Variants in CACNB2 observed in about 807,000 individuals in gnomAD.
The protein encoded by CACNB2 is voltage-dependent L-type calcium channel subunit beta-2.
Under a neutral mutation model 73.3 loss-of-function variants are expected in CACNB2, and 42 were observed. The ratio of observed to expected loss-of-function variants is 0.57; its 90% CI spans 0.45 to 0.74. The LOEUF (loss-of-function observed/expected upper bound fraction) is 0.74. Ranked by LOEUF, CACNB2 falls within the 30% of genes least tolerant of loss-of-function variation. CACNB2 has a pLI of 0.00. For synonymous variants in CACNB2, 348 were observed against 310.3 expected, an observed-to-expected ratio of 1.12 and a Z score of -1.28; for missense variants, 940 against 853.0, an observed-to-expected ratio of 1.10 and a Z score of -1.27.
intron 2 of CACNB2, among the ~76,000 whole-genome samples, chr10:18,192,804 A>C (rs2034461581): frequency 6.6e-6 from 1 of 152,202 alleles, no homozygotes; most frequent in Non-Finnish European, 1.5e-5. Flanking sequence ...CCCACATTGC[A>C]GCCATACTTC....
intron 2 of CACNB2, among the ~76,000 whole-genome samples, chr10:18,158,404 A>G (rs2032212852): frequency 6.6e-6 from 1 of 152,208 alleles, no homozygotes; most frequent in Admixed American, 6.5e-5. Flanking sequence ...CAAATTGTTT[A>G]TGTGCTATAA....
intron 2 of CACNB2, among the ~76,000 whole-genome samples, chr10:18,320,385 A>C (rs2040356823): frequency 6.6e-6 from 1 of 152,214 alleles, no homozygotes; most frequent in African/African-American, 2.4e-5. Context: ...AGTACGAAAC[A>C]AATTTTTTTT....
chr10:18,288,122 T>G (rs2038884120), intron 2 of CACNB2, among the ~76,000 whole-genome samples: 1 of 152,218 alleles, frequency 6.6e-6, no homozygotes, highest in African/African-American at 2.4e-5. Flanking sequence ...CCTAGTGACC[T>G]CATTTGAACC....
chr10:18,486,117 C>G (rs747392924), intron 3 of CACNB2, among the ~76,000 whole-genome samples: 1 of 152,048 alleles, frequency 6.6e-6, no homozygotes, highest in Non-Finnish European at 1.5e-5. Context: ...ATGAAGAAAT[C>G]AATGCATAAA....
At position 18,140,820 on chromosome 10, in the gene CACNB2, C is replaced by G; in HGVS notation, c.84C>G (p.Asn28Lys). Residue 28 changes from asparagine to lysine, a missense_variant, in exon 1 of 14, where the codon AAC (asparagine) becomes AAG (lysine). Physicochemically the swap from Asn to Lys is moderately conservative, Grantham distance 94. Coordinates refer to ENST00000324631, the MANE Select transcript of CACNB2 (RefSeq NM_201596.3). ...AGATCCAGATGGAACTGCTAGAGAA[C>G]GTGGCTCCCGCGGGGGCGCTCGGAG... ...AQEIQMELLE[N>K]VAPAGALGAA... The G allele has an allele frequency of 6.2e-7, 1 of 1,604,328 alleles. No individual in the cohort carries two copies. The highest frequency in any genetic ancestry group is 8.5e-7 in the Non-Finnish European group (1 of 1,176,946).
chr10:18,500,248 C>G (rs1331481544), intron 4 of CACNB2, among the ~76,000 whole-genome samples: 2 of 152,110 alleles, frequency 1.3e-5, no homozygotes, highest in African/African-American at 2.4e-5. Context: ...AAAAAGAAGG[C>G]AAATCACAAA....
intron 2 of CACNB2, among the ~76,000 whole-genome samples, chr10:18,304,302 A>G (rs938099195): frequency 1.3e-5 from 2 of 152,170 alleles, no homozygotes; most frequent in African/African-American, 4.8e-5. Context: ...GTGGCAGTGG[A>G]CAAGTTTATT....
In CACNB2 at chr10:18,539,867, T is replaced by TAGCAATAGCATGGATAGAGTA; in HGVS notation, c.*144_*164dup. ...TTTTGTATTATTGCTGTTGCTTGAA[T>TAGCAATAGCATGGATAGAGTA]AGCAATAGCATGGATAGAGTATTGA... On this transcript the variant is annotated 3_prime_UTR_variant, in exon 14 of 14. Transcript: ENST00000324631. 1.2e-6 allele frequency: 1 copy of TAGCAATAGCATGGATAGAGTA among 861,792 alleles called. No individual in the cohort carries two copies. Among genetic ancestry groups the TAGCAATAGCATGGATAGAGTA allele is most frequent in the Non-Finnish European group, 1.8e-6 (1 of 565,694 alleles). 53.4% of individuals were successfully genotyped at this position (861,792 alleles called of 1,614,324 possible).
At chr10:18,393,186 A>AAGACAGAG (rs756981063) in intron 2 of CACNB2, among the ~76,000 whole-genome samples, 1 of 44,258 alleles carries the variant, frequency 2.3e-5, no homozygotes, top group Non-Finnish European at 5.8e-5. Context: ...TCCAGCCTGG[A>AAGACAGAG]TGACTCCATG....
At chr10:18,232,506 T>C (rs898188132) in intron 2 of CACNB2, among the ~76,000 whole-genome samples, 2 of 152,162 alleles carry the variant, frequency 1.3e-5, no homozygotes, top group South Asian at 4.1e-4. Flanking sequence ...GTTTGCAGTG[T>C]TTAATACAGT....
intron 2 of CACNB2, among the ~76,000 whole-genome samples, chr10:18,181,178 G>C (rs2033858967): frequency 6.6e-6 from 1 of 151,568 alleles, no homozygotes; most frequent in South Asian, 2.1e-4. Flanking sequence ...TTGCCCTCTA[G>C]AACTGTGCAT....
chr10:18,349,377 T>C (rs1210723700), intron 2 of CACNB2, among the ~76,000 whole-genome samples: 1 of 152,228 alleles, frequency 6.6e-6, no homozygotes, highest in Non-Finnish European at 1.5e-5. Context: ...CCTAAGTTAA[T>C]AGACCACAGC....
chr10:18,442,394 C>G (rs1403151862), intron 3 of CACNB2, among the ~76,000 whole-genome samples: 1 of 152,032 alleles, frequency 6.6e-6, no homozygotes, highest in Non-Finnish European at 1.5e-5. Flanking sequence ...AGGTGATCCA[C>G]CCACCTCGGC....
At chr10:18,466,019 G>C (rs2047863016) in intron 3 of CACNB2, among the ~76,000 whole-genome samples, 1 of 151,992 alleles carries the variant, frequency 6.6e-6, no homozygotes. Flanking sequence ...GAACATTTTG[G>C]CACTTAATAA....
At chr10:18,174,605 T>G (rs1564316983) in intron 2 of CACNB2, among the ~76,000 whole-genome samples, 1 of 152,010 alleles carries the variant, frequency 6.6e-6, no homozygotes, top group Non-Finnish European at 1.5e-5. Flanking sequence ...GGTTTCACCA[T>G]GTTGGCCCTG....
intron 9 of CACNB2, among the ~76,000 whole-genome samples, chr10:18,520,550 T>G (rs202088034): frequency 6.6e-6 from 1 of 152,204 alleles, no homozygotes; most frequent in Non-Finnish European, 1.5e-5. Flanking sequence ...TGTGAGCTAG[T>G]GCCCACCACT....
intron 2 of CACNB2, among the ~76,000 whole-genome samples, chr10:18,291,517 A>G (rs989176053): frequency 1.3e-5 from 2 of 152,342 alleles, no homozygotes; most frequent in Non-Finnish European, 1.5e-5. Flanking sequence ...CAGAGTAGCA[A>G]TCTGTGATGT....
intron 3 of CACNB2, among the ~76,000 whole-genome samples, chr10:18,431,129 G>A (rs1589332085): frequency 6.6e-6 from 1 of 151,916 alleles, no homozygotes; most frequent in Non-Finnish European, 1.5e-5. Context: ...ATACAGGAGT[G>A]TACTACTACA....
chr10:18,233,890 C>T lies in CACNB2; in HGVS notation c.213+82915C>T, dbSNP rs148264321. On this transcript the variant is annotated intron_variant, in intron 2 of 13. Coordinates refer to ENST00000324631, the MANE Select transcript of CACNB2 (RefSeq NM_201596.3). ...GTCTGAGCCGTGTAGAGAAAGGTCA[C>T]GGTCACTGAGTGCTCAGTCAACTGA... 3.1e-3 allele frequency among the ~76,000 whole-genome samples: 465 copies of T among 152,180 alleles called. 2 individuals are homozygous for T. Among genetic ancestry groups the T allele is most frequent in the Non-Finnish European group, 5.0e-3 (343 of 68,020 alleles).
Sources: allele counts gnomAD v4.1 joint callset (sites outside exome capture counted in the v4.1 genomes callset), GRCh38; gene constraint gnomAD v4.1.1; transcripts MANE v1.5; gene names NCBI Gene and HGNC (gene_info 2026-07-23, HGNC 2026-07-21).